CTNND2: variants seen among roughly 807,000 people sequenced by gnomAD.
CTNND2 encodes catenin delta 2.
Under a neutral mutation model 144.4 loss-of-function variants are expected in CTNND2, and 22 were observed. That is an observed-to-expected ratio of 0.15 (90% CI 0.11 to 0.22). CTNND2 has a LOEUF of 0.22. Ranked by LOEUF, CTNND2 falls within the 10% of genes least tolerant of loss-of-function variation. The probability of loss-of-function intolerance (pLI) is 1.00; values close to 1 mark genes in which losing one functional copy is unlikely to be tolerated. For synonymous variants in CTNND2, 751 were observed against 695.6 expected, an observed-to-expected ratio of 1.08 and a Z score of -1.25; for missense variants, 1,353 against 1,618.8, an observed-to-expected ratio of 0.84 and a Z score of 2.82.
chr5:11,842,884 G>C (rs1019644879), intron 1 of CTNND2, among the ~76,000 whole-genome samples: 3 of 152,018 alleles, frequency 2.0e-5, no homozygotes, highest in Admixed American at 2.0e-4. Context: ...ACTTGCTTAT[G>C]TGGCAAACAT....
At chr5:11,070,209 A>G (rs1408629165) in intron 16 of CTNND2, among the ~76,000 whole-genome samples, 3 of 152,232 alleles carry the variant, frequency 2.0e-5, no homozygotes, top group Non-Finnish European at 2.9e-5. Context: ...TAAATTATCT[A>G]GTGAGATAAT....
chr5:11,678,732 T>C (rs1784292243), intron 2 of CTNND2, among the ~76,000 whole-genome samples: 1 of 152,108 alleles, frequency 6.6e-6, no homozygotes, highest in Non-Finnish European at 1.5e-5. Flanking sequence ...GTAACAAACC[T>C]TATTTTAAAG....
chr5:11,685,878 T>C (rs1405060736), intron 2 of CTNND2, among the ~76,000 whole-genome samples: 1 of 152,138 alleles, frequency 6.6e-6, no homozygotes, highest in African/African-American at 2.4e-5. Context: ...TAAGTCCCCT[T>C]AGCATTCAAA....
At chr5:11,224,329 T>C (rs558429037) in intron 10 of CTNND2, among the ~76,000 whole-genome samples, 1 of 152,212 alleles carries the variant, frequency 6.6e-6, no homozygotes, top group Non-Finnish European at 1.5e-5. Context: ...GGCCTCTGGC[T>C]GCAATAGTGC....
intron 2 of CTNND2, among the ~76,000 whole-genome samples, chr5:11,602,929 T>G (rs1779877381): frequency 1.4e-5 from 2 of 148,092 alleles, no homozygotes; most frequent in African/African-American, 2.6e-5. Context: ...TGCCTAAAAT[T>G]GATGAGGGAA....
At chr5:11,806,296 T>C (rs998074804) in intron 1 of CTNND2, among the ~76,000 whole-genome samples, 5 of 152,168 alleles carry the variant, frequency 3.3e-5, no homozygotes, top group Non-Finnish European at 5.9e-5. Context: ...TCTTCTCAAC[T>C]TTTCTGTAGA....
intron 9 of CTNND2, among the ~76,000 whole-genome samples, chr5:11,267,897 A>G (rs1745617816): frequency 6.6e-6 from 1 of 152,224 alleles, no homozygotes; most frequent in Non-Finnish European, 1.5e-5. Context: ...ATGATGCACA[A>G]GAAGATGGGC....
At position 11,550,343 on chromosome 5, in the gene CTNND2, T is replaced by C. The variant is rs150154270; in HGVS notation, c.287+14601A>G. 3.8e-3 allele frequency among the ~76,000 whole-genome samples: 574 copies of C among 152,356 alleles called. 2 individuals are homozygous for C. Among genetic ancestry groups the C allele is most frequent in the Non-Finnish European group, 5.7e-3 (387 of 68,034 alleles). On this transcript the variant is annotated intron_variant, in intron 3 of 21. Coordinates refer to ENST00000304623, the MANE Select transcript of CTNND2 (RefSeq NM_001332.4). ...CAGAATTTGTTGAGCATTTATGATA[T>C]GACAAGCAATACATGAGTCCAAAAG...
intron 1 of CTNND2, among the ~76,000 whole-genome samples, chr5:11,880,259 A>G (rs1281390203): frequency 6.6e-6 from 1 of 152,154 alleles, no homozygotes; most frequent in Admixed American, 6.5e-5. Flanking sequence ...AAGTTAGGAA[A>G]TGATTACTAT....
intron 1 of CTNND2, among the ~76,000 whole-genome samples, chr5:11,765,014 A>G (rs1789496850): frequency 6.6e-6 from 1 of 152,146 alleles, no homozygotes; most frequent in African/African-American, 2.4e-5. Flanking sequence ...TCCATCCTCA[A>G]TAAGTGAGTC....
intron 12 of CTNND2, among the ~76,000 whole-genome samples, chr5:11,136,965 A>G (rs926880736): frequency 6.6e-6 from 1 of 152,112 alleles, no homozygotes; most frequent in Non-Finnish European, 1.5e-5. Flanking sequence ...CTCTTTCACA[A>G]TTCCCACCCC....
At chr5:11,834,919 T>A (rs1794091778) in intron 1 of CTNND2, among the ~76,000 whole-genome samples, 1 of 152,106 alleles carries the variant, frequency 6.6e-6, no homozygotes, top group African/African-American at 2.4e-5. Context: ...AGCAGGAAGA[T>A]CATTTGAGTC....
chr5:11,398,822 G>A (rs1760375065), intron 5 of CTNND2, among the ~76,000 whole-genome samples: 1 of 152,084 alleles, frequency 6.6e-6, no homozygotes, highest in African/African-American at 2.4e-5. Flanking sequence ...TCTCTGAGGG[G>A]AGATGCATTT....
intron 15 of CTNND2, among the ~76,000 whole-genome samples, chr5:11,096,789 A>AAGAGAGAG (rs925024956): frequency 6.7e-6 from 1 of 148,494 alleles, no homozygotes. Context: ...GGGAGGGAGG[A>AAGAGAGAG]AGAGAGAGAG....
At chr5:11,772,015 G>C (rs572098238) in intron 1 of CTNND2, among the ~76,000 whole-genome samples, 1 of 152,152 alleles carries the variant, frequency 6.6e-6, no homozygotes, top group East Asian at 1.9e-4. Flanking sequence ...TGTTTTATGA[G>C]GCAAAAATGA....
At chr5:11,659,585 G>C (rs766358816) in intron 2 of CTNND2, among the ~76,000 whole-genome samples, 14 of 152,062 alleles carry the variant, frequency 9.2e-5, no homozygotes, top group Non-Finnish European at 1.6e-4. Context: ...AGGAAACATG[G>C]AACAAGGACT....
intron 11 of CTNND2, among the ~76,000 whole-genome samples, chr5:11,172,059 A>G (rs1301832896): frequency 6.6e-6 from 1 of 152,214 alleles, no homozygotes; most frequent in Admixed American, 6.5e-5. Flanking sequence ...AACAATGACA[A>G]AAATGGCAAT....
chr5:11,005,804 A>T (rs1740422023), intron 18 of CTNND2, among the ~76,000 whole-genome samples: 1 of 152,210 alleles, frequency 6.6e-6, no homozygotes, highest in South Asian at 2.1e-4. Flanking sequence ...TTAGTGTTAA[A>T]CAGTGAAGAC....
chr5:11,330,313 T>TAAAAA (rs1390011646), intron 9 of CTNND2, among the ~76,000 whole-genome samples: 582 of 44,464 alleles, frequency 0.013, 1 homozygote, highest in African/African-American at 0.079. Flanking sequence ...CTACTAAAAA[T>TAAAAA]ACAAAAAAAA....
Sources: allele counts gnomAD v4.1 joint callset (sites outside exome capture counted in the v4.1 genomes callset), GRCh38; gene constraint gnomAD v4.1.1; transcripts MANE v1.5; gene names NCBI Gene and HGNC (gene_info 2026-07-23, HGNC 2026-07-21).